FBXL7: variants seen among roughly 807,000 people sequenced by gnomAD.
The protein encoded by FBXL7 is F-box and leucine rich repeat protein 7, also known as F-box/LRR-repeat protein 7.
In FBXL7, 12 loss-of-function variants were observed where a neutral mutation model predicts 38.3. That is an observed-to-expected ratio of 0.31 (90% CI 0.20 to 0.51). The LOEUF is 0.51. Ranked by LOEUF, FBXL7 falls within the 20% of genes least tolerant of loss-of-function variation. The pLI, the probability that FBXL7 is intolerant of heterozygous loss-of-function variation, is 0.98. For missense variants in FBXL7, 567 were observed against 676.4 expected, an observed-to-expected ratio of 0.84 and a Z score of 1.79; for synonymous variants, 297 against 300.9, an observed-to-expected ratio of 0.99 and a Z score of 0.13.
chr5:15,847,534 C>T (rs1738946834), intron 2 of FBXL7, among the ~76,000 whole-genome samples: 1 of 152,104 alleles, frequency 6.6e-6, no homozygotes, highest in Non-Finnish European at 1.5e-5. Context: ...CAATATCTGT[C>T]CTCTGTGTAC....
chr5:15,623,267 C>T (rs1001291295), intron 2 of FBXL7, among the ~76,000 whole-genome samples: 1 of 152,178 alleles, frequency 6.6e-6, no homozygotes, highest in Non-Finnish European at 1.5e-5. Flanking sequence ...GTAAAAGATT[C>T]TTAACTTTCT....
intron 2 of FBXL7, among the ~76,000 whole-genome samples, chr5:15,880,395 C>T (rs1268167614): frequency 2.6e-5 from 4 of 152,302 alleles, no homozygotes; most frequent in Non-Finnish European, 4.4e-5. Flanking sequence ...AGAAGCTGCA[C>T]GTGCACCACA....
At chr5:15,642,016 C>T (rs979529861) in intron 2 of FBXL7, among the ~76,000 whole-genome samples, 1 of 148,406 alleles carries the variant, frequency 6.7e-6, no homozygotes, top group African/African-American at 2.5e-5. Context: ...TGCAAAACCC[C>T]AATACATTAG....
At chr5:15,538,147 A>G (rs1185431436) in intron 1 of FBXL7, among the ~76,000 whole-genome samples, 1 of 152,164 alleles carries the variant, frequency 6.6e-6, no homozygotes, top group Non-Finnish European at 1.5e-5. Context: ...TATTAAACAC[A>G]TTCTAAGGGG....
At chr5:15,513,023 T>G (rs1035304149) in intron 1 of FBXL7, among the ~76,000 whole-genome samples, 2 of 152,240 alleles carry the variant, frequency 1.3e-5, no homozygotes, top group African/African-American at 2.4e-5. Flanking sequence ...GCTCTAGTTT[T>G]ATCCTTTTGT....
intron 1 of FBXL7, among the ~76,000 whole-genome samples, chr5:15,527,901 G>C (rs1182505780): frequency 6.6e-6 from 1 of 152,152 alleles, no homozygotes; most frequent in Non-Finnish European, 1.5e-5. Flanking sequence ...TGTCAGAACA[G>C]ACCTCTTTTA....
chr5:15,580,982 G>A (rs1461055924), intron 1 of FBXL7, among the ~76,000 whole-genome samples: 2 of 152,212 alleles, frequency 1.3e-5, no homozygotes, highest in African/African-American at 2.4e-5. Context: ...GCCAACACCA[G>A]TCATGGTTGA....
chr5:15,868,484 A>T (rs1287884392), intron 2 of FBXL7, among the ~76,000 whole-genome samples: 1 of 152,228 alleles, frequency 6.6e-6, no homozygotes, highest in Non-Finnish European at 1.5e-5. Flanking sequence ...GACTCAACAG[A>T]ACTGTGTTTA....
At position 15,924,723 on chromosome 5, in the gene FBXL7, A is replaced by G. The variant is rs184601827; in HGVS notation, c.128-3167A>G. On this transcript the variant is annotated intron_variant, in intron 2 of 3. Coordinates refer to ENST00000504595, the MANE Select transcript of FBXL7 (RefSeq NM_012304.5). Reference sequence around the variant, plus strand: ...CCTCCAACCTCTGCCTCCTGGGTGCAAGCAAAAATTCACGTGCCTCACCCT... The same window carrying G: ...CCTCCAACCTCTGCCTCCTGGGTGCGAGCAAAAATTCACGTGCCTCACCCT... Among the ~76,000 whole-genome samples the G allele has an allele frequency of 3.8e-4, 57 of 150,242 alleles. 1 individual carries two copies. The highest frequency in any genetic ancestry group is 1.3e-3 in the African/African-American group (51 of 40,672).
At chr5:15,827,767 C>G (rs1738355065) in intron 2 of FBXL7, among the ~76,000 whole-genome samples, 1 of 152,192 alleles carries the variant, frequency 6.6e-6, no homozygotes, top group Non-Finnish European at 1.5e-5. Flanking sequence ...AAGAGGCAAA[C>G]ATTCAAACCA....
At chr5:15,512,021 CTGTT>C (rs767627716) in intron 1 of FBXL7, among the ~76,000 whole-genome samples, 124 of 152,324 alleles carry the variant, frequency 8.1e-4, no homozygotes, top group Non-Finnish European at 1.4e-3. Flanking sequence ...CTGCAAAACT[CTGTT>C]TGGGACATTA....
Position 15,577,880 on chromosome 5 carries a change from C to T in FBXL7, c.38-38103C>T, listed in dbSNP as rs146504499. Among the ~76,000 whole-genome samples the T allele has an allele frequency of 3.4e-3, 523 of 152,240 alleles. 5 individuals carry two copies. Among genetic ancestry groups the T allele is most frequent in the African/African-American group, 0.012 (489 of 41,536 alleles). ...ATCATAGGTTATTGGGGTTGATGTCCATGTTTCCTACCTGTAATTATACCC... is the reference window on the plus strand; with the variant it reads ...ATCATAGGTTATTGGGGTTGATGTCTATGTTTCCTACCTGTAATTATACCC... On this transcript the variant is annotated intron_variant, in intron 1 of 3. Coordinates refer to ENST00000504595, the MANE Select transcript of FBXL7 (RefSeq NM_012304.5).
At chr5:15,648,625 G>A (rs1741611817) in intron 2 of FBXL7, among the ~76,000 whole-genome samples, 1 of 152,220 alleles carries the variant, frequency 6.6e-6, no homozygotes, top group Non-Finnish European at 1.5e-5. Context: ...TGAAGGGGCA[G>A]CATTGCTGCA....
chr5:15,668,056 A>G (rs1425254382), intron 2 of FBXL7, among the ~76,000 whole-genome samples: 2 of 152,212 alleles, frequency 1.3e-5, no homozygotes, highest in African/African-American at 2.4e-5. Context: ...TGCCACCATA[A>G]CTACTACAAT....
intron 1 of FBXL7, among the ~76,000 whole-genome samples, chr5:15,581,855 G>T (rs537053257): frequency 6.8e-4 from 104 of 152,126 alleles, no homozygotes; most frequent in African/African-American, 2.4e-3. Context: ...TCAGATACCC[G>T]GCTCCCTCCC....
At chr5:15,781,849 A>G (rs1172737025) in intron 2 of FBXL7, among the ~76,000 whole-genome samples, 2 of 152,026 alleles carry the variant, frequency 1.3e-5, no homozygotes, top group Non-Finnish European at 2.9e-5. Flanking sequence ...AAAAATATAT[A>G]CTTTAAGTTC....
At chr5:15,789,973 G>T (rs1267882174) in intron 2 of FBXL7, among the ~76,000 whole-genome samples, 1 of 152,148 alleles carries the variant, frequency 6.6e-6, no homozygotes, top group Non-Finnish European at 1.5e-5. Flanking sequence ...CCCTGATGCT[G>T]CATAGGCCCC....
At chr5:15,604,951 C>G (rs912242547) in intron 1 of FBXL7, among the ~76,000 whole-genome samples, 2 of 152,116 alleles carry the variant, frequency 1.3e-5, no homozygotes, top group Non-Finnish European at 2.9e-5. Context: ...TGCAGGGATC[C>G]TGTGATCTGC....
chr5:15,621,226 T>G (rs375263413), intron 2 of FBXL7, among the ~76,000 whole-genome samples: 10 of 152,340 alleles, frequency 6.6e-5, no homozygotes, highest in African/African-American at 2.4e-4. Context: ...GGTGTAGACG[T>G]TCTTTACAGC....
Sources: gnomAD v4.1 joint callset for allele counts (sites outside exome capture counted in the v4.1 genomes callset) on GRCh38, gnomAD v4.1.1 for gene constraint, MANE v1.5 for transcripts, NCBI Gene and HGNC (gene_info 2026-07-23, HGNC 2026-07-21) for gene names.